The following XXYLT1 variants were observed in gnomAD, a reference collection of about 807,000 sequenced individuals.
XXYLT1 encodes UDP-xylose:alpha-xyloside alpha-1,3-xylosyltransferase.
A neutral mutation model predicts 28.9 loss-of-function variants in XXYLT1; 20 were observed. That is an observed-to-expected ratio of 0.69 (90% CI 0.49 to 1.00). The LOEUF (loss-of-function observed/expected upper bound fraction) is 1.00, where lower values mean the gene tolerates loss of function less well. Among genes scored for constraint, XXYLT1 ranks in the 50% least tolerant of loss-of-function variants. The probability of loss-of-function intolerance (pLI) is 0.00; values close to 1 mark genes in which losing one functional copy is unlikely to be tolerated. For missense variants in XXYLT1, 542 were observed against 560.1 expected (o/e 0.97, Z 0.33); for synonymous variants, 257 against 253.8 (o/e 1.01, Z -0.12).
At chr3:195,110,719 TGTGTGTGTGTGCTGTATGTGTGC>T (rs1717627563) in intron 3 of XXYLT1, among the ~76,000 whole-genome samples, 1 of 114,834 alleles carries the variant, frequency 8.7e-6, no homozygotes, top group African/African-American at 4.3e-5. Context: ...GTGTGTGGTG[TGTGTGTGTGTGCTGTATGTGTGC>T]ATGTGTGTGG....
rs767349746 is a variant in XXYLT1, at chr3:195,133,266, T to C, written c.785+23183A>G. Among the ~76,000 whole-genome samples, 123 of 152,070 alleles carry C rather than the reference T, an allele frequency of 8.1e-4. No homozygotes were observed. The highest frequency in any genetic ancestry group is 1.3e-3 in the Admixed American group (20 of 15,272). ...CAACGCTCTGATAAAAAAAGGAAAA[T>C]TAATTTTTCCTGAATGGCCCTGGAG... is the stretch of plus-strand genomic sequence containing the variant. On this transcript the variant is annotated intron_variant, in intron 3 of 3. Coordinates refer to ENST00000310380, the MANE Select transcript of XXYLT1 (RefSeq NM_152531.5). This position sits in a 1 kb window ranked among gnomAD's most constrained non-coding sequence, Gnocchi z 4.4.
At chr3:195,075,715 A>C (rs1356365179) in intron 3 of XXYLT1, among the ~76,000 whole-genome samples, 3 of 152,220 alleles carry the variant, frequency 2.0e-5, no homozygotes, top group South Asian at 2.1e-4. Context: ...GACACTAAGC[A>C]GGTGGCAGGC....
chr3:195,136,561 T>C (rs1719213025), intron 3 of XXYLT1, among the ~76,000 whole-genome samples: 1 of 152,182 alleles, frequency 6.6e-6, no homozygotes, highest in Non-Finnish European at 1.5e-5. Context: ...GAAAACTTAG[T>C]GTCTTCTACA....
At chr3:195,103,953 T>C (rs1431566299) in intron 3 of XXYLT1, among the ~76,000 whole-genome samples, 1 of 152,250 alleles carries the variant, frequency 6.6e-6, no homozygotes, top group Non-Finnish European at 1.5e-5. Context: ...GAGAAAGGTT[T>C]GACGCACTAG....
intron 3 of XXYLT1, among the ~76,000 whole-genome samples, chr3:195,072,440 G>GCAAA (rs1714877750): frequency 6.6e-6 from 1 of 152,180 alleles, no homozygotes; most frequent in African/African-American, 2.4e-5. Context: ...GCAAGGAGGA[G>GCAAA]CAAACAGTGA....
chr3:195,123,757 G>A (rs781737721), intron 3 of XXYLT1, among the ~76,000 whole-genome samples: 2 of 152,152 alleles, frequency 1.3e-5, no homozygotes, highest in Admixed American at 1.3e-4. Context: ...CTCCTCAGAC[G>A]CGGGCACGAT....
chr3:195,261,523 T>C lies in XXYLT1; in HGVS notation c.504+9032A>G, dbSNP rs561989130. On this transcript the variant is annotated intron_variant, in intron 1 of 3. Coordinates refer to ENST00000310380, the MANE Select transcript of XXYLT1 (RefSeq NM_152531.5). ...ACAAATGTTGCTACTATTATTCTCC[T>C]CATCAAGACTTCATACTGGTAAACA... 1.4e-4 allele frequency among the ~76,000 whole-genome samples: 21 copies of C among 152,292 alleles called. No homozygotes were observed. In the South Asian group the frequency reaches 4.1e-3, roughly 30 times the overall value.
intron 3 of XXYLT1, among the ~76,000 whole-genome samples, chr3:195,140,225 C>T (rs1719412417): frequency 1.3e-5 from 2 of 152,214 alleles, no homozygotes; most frequent in South Asian, 4.1e-4. Context: ...ATTCCTTCTG[C>T]ATGGAATTAT....
At chr3:195,253,627 C>T (rs553794148) in intron 1 of XXYLT1, among the ~76,000 whole-genome samples, 2 of 151,584 alleles carry the variant, frequency 1.3e-5, no homozygotes, top group South Asian at 4.2e-4. Flanking sequence ...GCCTCTCGAG[C>T]AGCTGGGACT....
Position 195,156,594 on chromosome 3 carries a change from G to C in XXYLT1, c.653-13C>G. ...ATCTGCAGGATCTCTGCGGGAAAGA[G>C]AAAAGGACAATGAGACACAGGTACA... On this transcript the variant is annotated splice_polypyrimidine_tract_variant and intron_variant, in intron 2 of 3. Transcript: ENST00000310380. The C allele has an allele frequency of 6.2e-7, 1 of 1,613,838 alleles. No homozygotes were observed. Among genetic ancestry groups the C allele is most frequent in the Non-Finnish European group, 8.5e-7 (1 of 1,179,866 alleles).
At chr3:195,207,505 A>G (rs1446445937) in intron 2 of XXYLT1, 1 of 455,770 alleles carries the variant, frequency 2.2e-6, no homozygotes, top group Non-Finnish European at 4.4e-6. Flanking sequence ...CACTCTATGG[A>G]AAAAAGATAG....
chr3:195,156,552 C>G lies in XXYLT1; in HGVS notation c.682G>C (p.Asp228His), dbSNP rs764308235. The stretch of plus-strand genomic sequence containing the variant: ...CGGATGTTGGTCTTAAACTTCAGGT[C>G]TAGGTCCAGCTGAATGATCTGCAGG... The part of the protein sequence containing the change: ...EILQIIQLDL[D>H]LKFKTNIREL... Residue 228 changes from aspartate (D) to histidine (H), a missense_variant, in exon 3 of 4, where the codon GAC becomes CAC. By Grantham distance (81) the Asp-to-His change is moderately conservative. Coordinates refer to ENST00000310380, the MANE Select transcript of XXYLT1 (RefSeq NM_152531.5). 1.2e-6 allele frequency: 2 copies of G among 1,614,242 alleles called. No individual in the cohort carries two copies. Among genetic ancestry groups the G allele is most frequent in the East Asian group, 2.2e-5 (1 of 44,886 alleles).
At chr3:195,071,702 G>C (rs1486472630) in intron 3 of XXYLT1, among the ~76,000 whole-genome samples, 1 of 152,186 alleles carries the variant, frequency 6.6e-6, no homozygotes, top group Non-Finnish European at 1.5e-5. Flanking sequence ...CAGTGTGGCA[G>C]CTGTGTGTTC....
chr3:195,241,577 C>T (rs1296141987), intron 1 of XXYLT1, among the ~76,000 whole-genome samples: 1 of 152,088 alleles, frequency 6.6e-6, no homozygotes, highest in East Asian at 1.9e-4. Context: ...TTTCCAGAAG[C>T]GAAGAAAAAT....
chr3:195,160,469 T>C (rs1720815831), intron 2 of XXYLT1, among the ~76,000 whole-genome samples: 1 of 152,198 alleles, frequency 6.6e-6, no homozygotes, highest in Non-Finnish European at 1.5e-5. Context: ...CATTAAGCTA[T>C]GTGACTCCAG....
At chr3:195,245,524 C>T (rs1724984557) in intron 1 of XXYLT1, among the ~76,000 whole-genome samples, 1 of 152,176 alleles carries the variant, frequency 6.6e-6, no homozygotes, top group South Asian at 2.1e-4. Flanking sequence ...TAGAGTGTCC[C>T]AAGGAGGCAA....
chr3:195,110,726 G>T, intron 3 of XXYLT1, among the ~76,000 whole-genome samples: 1 of 120,088 alleles, frequency 8.3e-6, no homozygotes, highest in Non-Finnish European at 1.8e-5. Flanking sequence ...GTGTGTGTGT[G>T]TGTGCTGTAT....
rs747979591 is a variant in XXYLT1 at position 195,256,640 on chromosome 3, C to G, written c.504+13915G>C. On this transcript the variant is annotated intron_variant, in intron 1 of 3. Transcript: ENST00000310380. The surrounding 1 kb of genome is among the most constrained non-coding windows in gnomAD (Gnocchi z 4.2). ...GTAAGCCCCCAGCACTGTTTATACA[C>G]GCCTGGAAGAGAACAGACTGTTACT... 54 of 924,606 alleles carry G rather than the reference C, an allele frequency of 5.8e-5. No individual in the cohort carries two copies. The highest frequency in any genetic ancestry group is 6.6e-5 in the Non-Finnish European group (51 of 774,540). The allele number at this position is 924,606 out of a possible 1,614,324, so 57.3% of individuals were successfully genotyped here.
At chr3:195,187,642 C>T (rs1410891484) in intron 2 of XXYLT1, among the ~76,000 whole-genome samples, 2 of 152,144 alleles carry the variant, frequency 1.3e-5, no homozygotes, top group Non-Finnish European at 1.5e-5. Context: ...TTCCTTTAAG[C>T]TTCTTTGATT....
Sources: allele counts gnomAD v4.1 joint callset (sites outside exome capture counted in the v4.1 genomes callset), GRCh38; gene constraint gnomAD v4.1.1; non-coding constraint Gnocchi (gnomAD v3.1); transcripts MANE v1.5; gene names NCBI Gene and HGNC (gene_info 2026-07-23, HGNC 2026-07-21).